PHACTR1: variants seen among roughly 807,000 people sequenced by gnomAD.
PHACTR1 encodes the protein RPEL repeat containing 1.
PHACTR1 carries 16 observed loss-of-function variants against 69.2 expected under a neutral mutation model. The observed-to-expected ratio is 0.23, with a 90% CI of 0.16 to 0.35. PHACTR1 has a LOEUF of 0.35. Among genes scored for constraint, PHACTR1 ranks in the 10% least tolerant of loss-of-function variants. The pLI, the probability that PHACTR1 is intolerant of heterozygous loss-of-function variation, is 1.00. For missense variants in PHACTR1, 510 were observed against 734.7 expected, an observed-to-expected ratio of 0.69 and a Z score of 3.54; for synonymous variants, 312 against 284.5, an observed-to-expected ratio of 1.10 and a Z score of -0.97.
At chr6:13,195,757 C>CAAAATAAAAAAAAAAAAAAAAAAA (rs1764283496) in intron 7 of PHACTR1, among the ~76,000 whole-genome samples, 1 of 41,512 alleles carries the variant, frequency 2.4e-5, no homozygotes, top group Non-Finnish European at 5.4e-5. Context: ...GACACCGTCT[C>CAAAATAAAAAAAAAAAAAAAAAAA]AAAAAAAAAA....
intron 7 of PHACTR1, among the ~76,000 whole-genome samples, chr6:13,204,041 C>T (rs1208276623): frequency 2.6e-5 from 4 of 152,080 alleles, no homozygotes; most frequent in Admixed American, 2.6e-4. Flanking sequence ...GTGATCTGGG[C>T]CATAGGAGAG....
chr6:12,928,220 G>A (rs1788478316), intron 4 of PHACTR1, among the ~76,000 whole-genome samples: 1 of 152,170 alleles, frequency 6.6e-6, no homozygotes, highest in African/African-American at 2.4e-5. Flanking sequence ...GCCTGCTGAA[G>A]GATGAGCAAT....
intron 3 of PHACTR1, among the ~76,000 whole-genome samples, chr6:12,738,967 C>T (rs1433929539): frequency 6.6e-6 from 1 of 152,164 alleles, no homozygotes; most frequent in Non-Finnish European, 1.5e-5. Flanking sequence ...CATTTATTAT[C>T]AAAACTAATG....
chr6:13,286,962 C>T, intron 14 of PHACTR1, 101 bp from the exon 15 acceptor site: 1 of 1,294,840 alleles, frequency 7.7e-7, no homozygotes, highest in Non-Finnish European at 1.1e-6. Flanking sequence ...CTCGCACCTC[C>T]CTCTCACGGT....
At chr6:13,003,409 G>T (rs971784834) in intron 4 of PHACTR1, among the ~76,000 whole-genome samples, 1 of 152,024 alleles carries the variant, frequency 6.6e-6, no homozygotes, top group Non-Finnish European at 1.5e-5. Context: ...TACAAGATTT[G>T]AGATAGAGTA....
At chr6:13,236,860 A>G (rs935056094) in intron 10 of PHACTR1, among the ~76,000 whole-genome samples, 2 of 152,134 alleles carry the variant, frequency 1.3e-5, no homozygotes, top group African/African-American at 4.8e-5. Context: ...CATGACCCCA[A>G]ATGCATGTGG....
intron 4 of PHACTR1, among the ~76,000 whole-genome samples, chr6:12,971,026 A>T (rs546589440): frequency 1.3e-5 from 2 of 152,290 alleles, no homozygotes; most frequent in East Asian, 3.9e-4. Flanking sequence ...TAGTAGAATG[A>T]TCATTAATAG....
At chr6:13,113,822 A>G (rs1817408086) in intron 5 of PHACTR1, among the ~76,000 whole-genome samples, 1 of 152,214 alleles carries the variant, frequency 6.6e-6, no homozygotes, top group Admixed American at 6.5e-5. Context: ...ACCAACTACT[A>G]TTATTTGCAG....
At chr6:13,217,546 C>A (rs1360056843) in intron 8 of PHACTR1, among the ~76,000 whole-genome samples, 2 of 152,022 alleles carry the variant, frequency 1.3e-5, no homozygotes, top group Admixed American at 6.6e-5. Context: ...GATAATATTT[C>A]AGAAATGTGG....
At position 13,064,547 on chromosome 6, in the gene PHACTR1, GATATATATATATATATATATAT is replaced by G. The variant is rs1195089569; in HGVS notation, c.415+11055_415+11076del. Reference sequence around the variant, plus strand: ...GCAACGGGAAGGGGAGAAGGGAAAAGATATATATATATATATATATATATATATATATATATATATATATATA... The same window carrying G: ...GCAACGGGAAGGGGAGAAGGGAAAAGATATATATATATATATATATATATA... On this transcript the variant is annotated intron_variant, in intron 5 of 14. Transcript: ENST00000332995. Among the ~76,000 whole-genome samples, 100 of 70,210 alleles carry G rather than the reference GATATATATATATATATATATAT, an allele frequency of 1.4e-3. 2 individuals are homozygous for G. Among genetic ancestry groups the G allele is most frequent in the Non-Finnish European group, 1.8e-3 (65 of 35,676 alleles). 46.1% of individuals were successfully genotyped at this position (70,210 alleles called of 152,430 possible).
intron 5 of PHACTR1, among the ~76,000 whole-genome samples, chr6:13,130,591 C>A (rs771700839): frequency 9.2e-5 from 14 of 152,000 alleles, no homozygotes; most frequent in Non-Finnish European, 1.8e-4. Context: ...AATATACAAC[C>A]CTCCCAGATT....
chr6:12,791,659 A>G (rs1447093022), intron 4 of PHACTR1, among the ~76,000 whole-genome samples: 3 of 152,244 alleles, frequency 2.0e-5, no homozygotes, highest in Non-Finnish European at 4.4e-5. Flanking sequence ...AAAAGGATAT[A>G]GTAATGCACC....
At chr6:13,161,761 C>T (rs1396822399) in intron 6 of PHACTR1, among the ~76,000 whole-genome samples, 1 of 152,136 alleles carries the variant, frequency 6.6e-6, no homozygotes, top group Non-Finnish European at 1.5e-5. Context: ...TGGGCCTTCC[C>T]CGTGGTACTT....
At chr6:12,983,530 T>C (rs762796087) in intron 4 of PHACTR1, among the ~76,000 whole-genome samples, 6 of 152,080 alleles carry the variant, frequency 3.9e-5, no homozygotes, top group Non-Finnish European at 8.8e-5. Flanking sequence ...ACGTATTTAT[T>C]ATTTATTTAT....
At chr6:13,280,608 C>A in intron 12 of PHACTR1, 1 of 278,632 alleles carries the variant, frequency 3.6e-6, no homozygotes, top group Non-Finnish European at 7.1e-6. Flanking sequence ...CTGTAATGCA[C>A]TAGTAAGAAA....
intron 4 of PHACTR1, among the ~76,000 whole-genome samples, chr6:12,937,287 CA>C (rs973924795): frequency 6.6e-6 from 1 of 152,128 alleles, no homozygotes; most frequent in Non-Finnish European, 1.5e-5. Context: ...GCCACCATCT[CA>C]AAGGAAGGCC....
At chr6:13,108,639 G>A (rs926202736) in intron 5 of PHACTR1, among the ~76,000 whole-genome samples, 1 of 151,944 alleles carries the variant, frequency 6.6e-6, no homozygotes, top group East Asian at 1.9e-4. Context: ...TGTCATGAAG[G>A]TTATTTTATC....
At chr6:13,125,528 C>G (rs1819396656) in intron 5 of PHACTR1, among the ~76,000 whole-genome samples, 2 of 152,092 alleles carry the variant, frequency 1.3e-5, no homozygotes, top group Admixed American at 6.5e-5. Context: ...TATCTTCTGT[C>G]TCCCTCCAGC....
At position 12,749,445 on chromosome 6, in the gene PHACTR1, AC is replaced by A. The variant is rs796477070; in HGVS notation, c.104-195del. On this transcript the variant is annotated intron_variant, in intron 3 of 14. Transcript: ENST00000332995. ...TAACGGATTTTCTTTCTCTCCCTTC[AC>A]CCCTTTCTCTCCTTTGCTCTCTTTC... is the stretch of plus-strand genomic sequence containing the variant. 4.1e-5 allele frequency: 26 copies of A among 628,118 alleles called. No individual in the cohort carries two copies. In the African/African-American group the frequency reaches 4.5e-4, roughly 11 times the overall value. The allele number at this position is 628,118 out of a possible 1,614,324, so 38.9% of individuals were successfully genotyped here. A position where few individuals can be genotyped will look rare whatever the true frequency, so the allele number is the denominator to read the frequency against.
Sources: allele counts gnomAD v4.1 joint callset (sites outside exome capture counted in the v4.1 genomes callset), GRCh38; gene constraint gnomAD v4.1.1; transcripts MANE v1.5; gene names NCBI Gene and HGNC (gene_info 2026-07-23, HGNC 2026-07-21).